Variants in TMC1 observed in about 807,000 individuals in gnomAD.
TMC1 encodes the protein transmembrane channel like 1, also known as transmembrane channel-like protein 1.
In TMC1, 84 loss-of-function variants were observed where a neutral mutation model predicts 105.8. The ratio of observed to expected loss-of-function variants is 0.79; its 90% CI spans 0.67 to 0.95. The LOEUF (loss-of-function observed/expected upper bound fraction) is 0.95. Ranked by LOEUF, TMC1 falls within the 40% of genes least tolerant of loss-of-function variation. The pLI is 0.00. For synonymous variants in TMC1, 315 were observed against 311.5 expected (o/e 1.01, Z -0.12); for missense variants, 817 against 914.1 (o/e 0.89, Z 1.37).
intron 2 of TMC1, among the ~76,000 whole-genome samples, chr9:72,606,596 G>C (rs1389911146): frequency 2.0e-5 from 3 of 151,994 alleles, no homozygotes; most frequent in Non-Finnish European, 1.5e-5. Flanking sequence ...TGACTTTGAA[G>C]TATTTTTAGC....
At chr9:72,826,431 A>T (rs910273253) in intron 20 of TMC1, among the ~76,000 whole-genome samples, 2 of 152,162 alleles carry the variant, frequency 1.3e-5, no homozygotes, top group African/African-American at 4.8e-5. Flanking sequence ...GCGTGGAAAG[A>T]GATATTGGAT....
intron 2 of TMC1, among the ~76,000 whole-genome samples, chr9:72,598,251 G>T (rs1824750962): frequency 6.6e-6 from 1 of 152,024 alleles, no homozygotes; most frequent in Non-Finnish European, 1.5e-5. Flanking sequence ...ATATCCAAAG[G>T]CAAACTAACA....
chr9:72,606,667 T>C (rs1341523401), intron 2 of TMC1, among the ~76,000 whole-genome samples: 1 of 152,182 alleles, frequency 6.6e-6, no homozygotes, highest in Non-Finnish European at 1.5e-5. Flanking sequence ...ACTATAAAAA[T>C]ACTTACTTTT....
chr9:72,724,123 C>T (rs926314624), intron 8 of TMC1, among the ~76,000 whole-genome samples: 8 of 152,190 alleles, frequency 5.3e-5, no homozygotes, highest in Non-Finnish European at 1.0e-4. Context: ...TTTCCACGGA[C>T]ATTTAATTAG....
intron 13 of TMC1, among the ~76,000 whole-genome samples, chr9:72,781,531 G>A (rs1199347777): frequency 6.6e-6 from 1 of 151,968 alleles, no homozygotes; most frequent in Non-Finnish European, 1.5e-5. Context: ...TCCAAGAGTT[G>A]TCTATTTGAA....
chr9:72,552,038 G>GTGTTGT (rs140469789), intron 1 of TMC1, among the ~76,000 whole-genome samples: 1,829 of 152,240 alleles, frequency 0.012, 43 homozygotes, highest in African/African-American at 0.042. Flanking sequence ...GAACAGATTT[G>GTGTTGT]TGTTGTTTTA....
At chr9:72,677,528 T>A (rs1826222065) in intron 5 of TMC1, among the ~76,000 whole-genome samples, 1 of 152,182 alleles carries the variant, frequency 6.6e-6, no homozygotes, top group Non-Finnish European at 1.5e-5. Flanking sequence ...ACTTCCACAC[T>A]TTCTTACTAA....
chr9:72,687,409 T>C (rs936809318), intron 5 of TMC1, among the ~76,000 whole-genome samples: 4 of 152,220 alleles, frequency 2.6e-5, no homozygotes, highest in African/African-American at 9.6e-5. Context: ...TATTGTAGAA[T>C]GTGGAATATC....
In TMC1 at chr9:72,605,116, C is replaced by T. The variant is rs146044667; in HGVS notation, c.-305-11252C>T. ...TCAGACAACAAAATTGTCTAACATA[C>T]GCCAAAAACAATATAGCATTTAATG... On this transcript the variant is annotated intron_variant, in intron 2 of 23. Transcript: ENST00000297784. 9.5e-3 allele frequency among the ~76,000 whole-genome samples: 1,447 copies of T among 152,168 alleles called. 17 individuals are homozygous for T. The highest frequency in any genetic ancestry group is 0.014 in the Middle Eastern group (4 of 292).
At chr9:72,584,769 TTTTTC>T (rs1320006700) in intron 2 of TMC1, among the ~76,000 whole-genome samples, 2 of 145,282 alleles carry the variant, frequency 1.4e-5, no homozygotes, top group East Asian at 2.0e-4. Context: ...GTAGTTCTCC[TTTTTC>T]TTTTCTTTTC....
chr9:72,610,946 G>A (rs934788577), intron 2 of TMC1, among the ~76,000 whole-genome samples: 2 of 152,194 alleles, frequency 1.3e-5, no homozygotes, highest in African/African-American at 2.4e-5. Flanking sequence ...GTGGTATCGA[G>A]CTAGAAAATT....
chr9:72,652,211 G>T (rs1398478137), intron 5 of TMC1, among the ~76,000 whole-genome samples: 1 of 152,136 alleles, frequency 6.6e-6, no homozygotes, highest in Non-Finnish European at 1.5e-5. Context: ...TATCTGAGTA[G>T]AAGGTAATTC....
At chr9:72,684,554 C>T (rs920957198) in intron 5 of TMC1, among the ~76,000 whole-genome samples, 3 of 152,148 alleles carry the variant, frequency 2.0e-5, no homozygotes, top group Admixed American at 6.6e-5. Flanking sequence ...TTTGTTATCT[C>T]ATCTGGTCTT....
chr9:72,626,703 G>C (rs920012480), intron 3 of TMC1, among the ~76,000 whole-genome samples: 3 of 152,118 alleles, frequency 2.0e-5, no homozygotes, highest in Non-Finnish European at 4.4e-5. Flanking sequence ...GCACCAATGA[G>C]CTTTCATTGT....
At chr9:72,567,031 G>T (rs1449376440) in intron 1 of TMC1, among the ~76,000 whole-genome samples, 1 of 152,180 alleles carries the variant, frequency 6.6e-6, no homozygotes, top group Non-Finnish European at 1.5e-5. Flanking sequence ...TGTGGGGGCA[G>T]ATGTTCCTTT....
At chr9:72,700,455 C>T in intron 7 of TMC1, 63 bp from the exon 8 acceptor site, 2 of 1,402,984 alleles carry the variant, frequency 1.4e-6, no homozygotes, top group Non-Finnish European at 1.9e-6. Context: ...TACCTGCCTT[C>T]CTTAAGTTCC....
chr9:72,797,401 G>GTATAGCC (rs1828389384), intron 17 of TMC1, among the ~76,000 whole-genome samples: 1 of 152,032 alleles, frequency 6.6e-6, no homozygotes, highest in Non-Finnish European at 1.5e-5. Flanking sequence ...AAAAGAGCTC[G>GTATAGCC]TATAGCCAAG....
chr9:72,585,875 A>G (rs1824547420), intron 2 of TMC1, among the ~76,000 whole-genome samples: 1 of 152,154 alleles, frequency 6.6e-6, no homozygotes, highest in Admixed American at 6.6e-5. Flanking sequence ...AGGATTCGTC[A>G]TGCACCCTGA....
chr9:72,543,895 C>T (rs1823719577), intron 1 of TMC1, among the ~76,000 whole-genome samples: 1 of 151,946 alleles, frequency 6.6e-6, no homozygotes. Context: ...TGCCACCACA[C>T]CCAGTGACTT....
Sources: gnomAD v4.1 joint callset for allele counts (sites outside exome capture counted in the v4.1 genomes callset) on GRCh38, gnomAD v4.1.1 for gene constraint, MANE v1.5 for transcripts, NCBI Gene and HGNC (gene_info 2026-07-23, HGNC 2026-07-21) for gene names.